PPM1L: variants seen among roughly 807,000 people sequenced by gnomAD.
The protein encoded by PPM1L is protein phosphatase, Mg2+/Mn2+ dependent 1L, also known as protein phosphatase 1L.
PPM1L carries 13 observed loss-of-function variants against 31.4 expected under a neutral mutation model. The ratio of observed to expected loss-of-function variants is 0.41; its 90% CI spans 0.27 to 0.66. PPM1L has a LOEUF of 0.66. PPM1L is among the 30% of genes least tolerant of loss of function. The pLI is 0.29. For synonymous variants in PPM1L, 184 were observed against 175.4 expected (o/e 1.05, Z -0.39); for missense variants, 326 against 453.7 (o/e 0.72, Z 2.56).
intron 1 of PPM1L, among the ~76,000 whole-genome samples, chr3:160,947,836 G>A (rs990601179): frequency 1.5e-4 from 23 of 152,040 alleles, no homozygotes; most frequent in East Asian, 5.8e-4. Flanking sequence ...GTCTAAAGAC[G>A]GACAGCTCTT....
chr3:160,797,782 A>T (rs555561477), intron 1 of PPM1L, among the ~76,000 whole-genome samples: 3 of 152,354 alleles, frequency 2.0e-5, no homozygotes, highest in African/African-American at 7.2e-5. Context: ...ACTCTCTTGA[A>T]TTGTATGAAA....
At chr3:160,963,302 A>G (rs1456149507) in intron 2 of PPM1L, among the ~76,000 whole-genome samples, 1 of 152,076 alleles carries the variant, frequency 6.6e-6, no homozygotes, top group East Asian at 1.9e-4. Context: ...TGCTTTTACT[A>G]CACTAATGCA....
intron 1 of PPM1L, among the ~76,000 whole-genome samples, chr3:160,945,000 A>G (rs1348010661): frequency 2.5e-5 from 1 of 39,664 alleles, no homozygotes. Context: ...CATATATATA[A>G]CTATATATAA....
At chr3:160,770,576 T>TA (rs1325426213) in intron 1 of PPM1L, among the ~76,000 whole-genome samples, 1 of 152,162 alleles carries the variant, frequency 6.6e-6, no homozygotes, top group Non-Finnish European at 1.5e-5. Context: ...GAAGAACAAA[T>TA]ACTGTAGTTT....
intron 1 of PPM1L, among the ~76,000 whole-genome samples, chr3:160,910,432 C>T (rs1713932451): frequency 6.6e-6 from 1 of 151,828 alleles, no homozygotes; most frequent in African/African-American, 2.4e-5. Context: ...CATGCCTCAG[C>T]CTCCCCAGTA....
chr3:160,764,832 G>A (rs1429384180), intron 1 of PPM1L, among the ~76,000 whole-genome samples: 3 of 152,078 alleles, frequency 2.0e-5, no homozygotes, highest in Non-Finnish European at 4.4e-5. Context: ...ATTTTATTGA[G>A]TAGATATTTG....
chr3:160,920,440 A>G (rs1473598395), intron 1 of PPM1L, among the ~76,000 whole-genome samples: 2 of 152,134 alleles, frequency 1.3e-5, no homozygotes, highest in African/African-American at 2.4e-5. Context: ...ATAAAACCTG[A>G]AGACCACCAA....
chr3:160,759,113 T>C (rs1714894973), intron 1 of PPM1L, among the ~76,000 whole-genome samples: 1 of 152,244 alleles, frequency 6.6e-6, no homozygotes, highest in Non-Finnish European at 1.5e-5. Context: ...GTGTGTTGTT[T>C]AGCTCCTTTA....
At chr3:160,842,794 A>G (rs919710091) in intron 1 of PPM1L, among the ~76,000 whole-genome samples, 2 of 152,196 alleles carry the variant, frequency 1.3e-5, no homozygotes, top group African/African-American at 4.8e-5. Flanking sequence ...CTAGGTGCCA[A>G]CTGGAAGGGC....
chr3:160,766,985 C>A (rs1387067446), intron 1 of PPM1L, among the ~76,000 whole-genome samples: 1 of 149,268 alleles, frequency 6.7e-6, no homozygotes, highest in East Asian at 1.9e-4. Context: ...AAGATGTACA[C>A]CGTACAGTGT....
At chr3:160,936,502 A>G (rs1432812103) in intron 1 of PPM1L, among the ~76,000 whole-genome samples, 1 of 152,216 alleles carries the variant, frequency 6.6e-6, no homozygotes, top group Non-Finnish European at 1.5e-5. Flanking sequence ...TCTCTAAAAC[A>G]GCTGTAAGTG....
chr3:160,910,744 C>A (rs760705980), intron 1 of PPM1L, among the ~76,000 whole-genome samples: 1 of 152,104 alleles, frequency 6.6e-6, no homozygotes, highest in Non-Finnish European at 1.5e-5. Context: ...CTAACAATTA[C>A]ATTTGGTAAA....
At chr3:160,829,341 G>A (rs1560118756) in intron 1 of PPM1L, among the ~76,000 whole-genome samples, 1 of 152,074 alleles carries the variant, frequency 6.6e-6, no homozygotes, top group Non-Finnish European at 1.5e-5. Flanking sequence ...ATGAAACAAG[G>A]GAGCACAACT....
At chr3:161,005,892 A>G (rs1237415323) in intron 2 of PPM1L, among the ~76,000 whole-genome samples, 1 of 152,234 alleles carries the variant, frequency 6.6e-6, no homozygotes, top group Non-Finnish European at 1.5e-5. Context: ...AATCAGGAAG[A>G]AATCCCAGGG....
intron 1 of PPM1L, among the ~76,000 whole-genome samples, chr3:160,893,832 T>C (rs947040875): frequency 1.3e-5 from 2 of 152,186 alleles, no homozygotes; most frequent in Non-Finnish European, 2.9e-5. Flanking sequence ...TTTTTCTACT[T>C]TGTGGTGGTA....
chr3:161,055,421 T>G (rs1189641293), intron 2 of PPM1L, among the ~76,000 whole-genome samples: 5 of 152,092 alleles, frequency 3.3e-5, no homozygotes, highest in African/African-American at 7.2e-5. Flanking sequence ...ACAGTGATCT[T>G]ATCTTTCCCA....
At chr3:160,995,390 G>A (rs1198576051) in intron 2 of PPM1L, among the ~76,000 whole-genome samples, 2 of 151,932 alleles carry the variant, frequency 1.3e-5, no homozygotes, top group African/African-American at 2.4e-5. Context: ...GCACAATCTC[G>A]ACTTACTGCA....
chr3:160,973,177 A>G (rs1046768539), intron 2 of PPM1L, among the ~76,000 whole-genome samples: 25 of 152,252 alleles, frequency 1.6e-4, no homozygotes, highest in Non-Finnish European at 3.7e-4. Flanking sequence ...ACTGATATTT[A>G]GAATCAGGAA....
chr3:161,031,297 A>G (rs1331995253), intron 2 of PPM1L, among the ~76,000 whole-genome samples: 3 of 152,198 alleles, frequency 2.0e-5, no homozygotes, highest in African/African-American at 4.8e-5. Context: ...TGGAAAGAAA[A>G]CCATGGGAAC....
Sources: gnomAD v4.1 joint callset for allele counts (sites outside exome capture counted in the v4.1 genomes callset) on GRCh38, gnomAD v4.1.1 for gene constraint, MANE v1.5 for transcripts, NCBI Gene and HGNC (gene_info 2026-07-23, HGNC 2026-07-21) for gene names.